Variants in HECA observed in about 807,000 individuals in gnomAD.
The protein encoded by HECA is headcase protein homolog.
In HECA, 13 loss-of-function variants were observed where a neutral mutation model predicts 37.6. The ratio of observed to expected loss-of-function variants is 0.35; its 90% CI spans 0.23 to 0.55. The LOEUF is 0.55. Among genes scored for constraint, HECA ranks in the 20% least tolerant of loss-of-function variants. The probability of loss-of-function intolerance (pLI) is 0.90; values close to 1 mark genes in which losing one functional copy is unlikely to be tolerated. For synonymous variants in HECA, 307 were observed against 291.5 expected, an observed-to-expected ratio of 1.05 and a Z score of -0.54; for missense variants, 527 against 701.9, an observed-to-expected ratio of 0.75 and a Z score of 2.82.
At chr6:139,148,850 T>C (rs1366830810) in intron 1 of HECA, among the ~76,000 whole-genome samples, 2 of 152,096 alleles carry the variant, frequency 1.3e-5, no homozygotes, top group East Asian at 1.9e-4. Context: ...GTCGAGTCAA[T>C]AGCTGAGCTC....
intron 1 of HECA, among the ~76,000 whole-genome samples, chr6:139,149,446 T>A (rs3777679): frequency 0.67 from 101,739 of 152,036 alleles, 35,027 homozygotes; most frequent in African/African-American, 0.79. Context: ...TGATTTGGGG[T>A]TTTTAGTTTT....
intron 2 of HECA, among the ~76,000 whole-genome samples, 161 bp from the exon 3 acceptor site, chr6:139,174,224 T>C (rs1458055526): frequency 6.6e-6 from 1 of 152,252 alleles, no homozygotes; most frequent in African/African-American, 2.4e-5. Flanking sequence ...ATCATTATCC[T>C]GAAAGGACAG....
At chr6:139,150,769 G>C (rs1033596680) in intron 1 of HECA, among the ~76,000 whole-genome samples, 3 of 152,060 alleles carry the variant, frequency 2.0e-5, no homozygotes, top group Non-Finnish European at 4.4e-5. Flanking sequence ...AATTATATCT[G>C]TGTTCCACAA....
intron 2 of HECA, chr6:139,170,510 C>T (rs1167563553): frequency 6.6e-6 from 1 of 152,136 alleles, no homozygotes; most frequent in Admixed American, 6.6e-5. Context: ...TGGACTGGAT[C>T]TTGGTAAGCA....
chr6:139,142,021 G>A (rs1326411329), intron 1 of HECA, among the ~76,000 whole-genome samples: 1 of 150,572 alleles, frequency 6.6e-6, no homozygotes, highest in Non-Finnish European at 1.5e-5. Context: ...CCACCTCCTG[G>A]GTTCACGCCA....
intron 1 of HECA, chr6:139,144,226 C>T (rs193019591): frequency 6.6e-6 from 1 of 152,180 alleles, no homozygotes; most frequent in Admixed American, 6.5e-5. Flanking sequence ...TTATTATGCA[C>T]CTACTATCTC....
chr6:139,141,919 ATTTTTTTTTT>A (rs11345845), intron 1 of HECA, among the ~76,000 whole-genome samples: 17 of 48,784 alleles, frequency 3.5e-4, no homozygotes, highest in African/African-American at 1.4e-3. Flanking sequence ...TGCCCAGCTA[ATTTTTTTTTT>A]TTTTTTTTTT....
intron 2 of HECA, among the ~76,000 whole-genome samples, chr6:139,168,007 A>G (rs761888067): frequency 4.6e-5 from 7 of 152,240 alleles, no homozygotes; most frequent in Admixed American, 3.9e-4. Context: ...CACATCACAT[A>G]TAACATGTTT....
At position 139,149,062 on chromosome 6, in the gene HECA, T is replaced by G. The variant is rs566156745; in HGVS notation, c.271+13395T>G. ...TATGATAACAGACTTAAATGCTGAA[T>G]CATAAGAAAGTTCTCATTTTTCTCC... On this transcript the variant is annotated intron_variant, in intron 1 of 3. Coordinates refer to ENST00000367658, the MANE Select transcript of HECA (RefSeq NM_016217.3). Among the ~76,000 whole-genome samples the G allele has an allele frequency of 5.9e-5, 9 of 152,154 alleles. No homozygotes were observed. In the East Asian group the frequency reaches 1.7e-3, roughly 29 times the overall value.
At chr6:139,147,240 T>C (rs545247722) in intron 1 of HECA, among the ~76,000 whole-genome samples, 3 of 152,066 alleles carry the variant, frequency 2.0e-5, no homozygotes, top group East Asian at 3.9e-4. Flanking sequence ...AATGAAAAAC[T>C]GTATGCAGAT....
chr6:139,155,701 A>C (rs1774703048), intron 1 of HECA: 1 of 152,152 alleles, frequency 6.6e-6, no homozygotes, highest in African/African-American at 2.4e-5. Flanking sequence ...TATGTAGTGC[A>C]TTTTCGTGCT....
chr6:139,164,175 CCTTA>C (rs1774849671), intron 1 of HECA, among the ~76,000 whole-genome samples: 1 of 152,120 alleles, frequency 6.6e-6, no homozygotes, highest in African/African-American at 2.4e-5. Context: ...CCTCTGGCCT[CCTTA>C]CTTCCAGTCC....
intron 1 of HECA, among the ~76,000 whole-genome samples, chr6:139,142,816 C>T (rs368551871): frequency 2.6e-5 from 4 of 152,078 alleles, no homozygotes; most frequent in Non-Finnish European, 5.9e-5. Context: ...GGCATGGTGG[C>T]GGGCTCCTGT....
intron 1 of HECA, among the ~76,000 whole-genome samples, chr6:139,147,118 C>A (rs1774593996): frequency 6.6e-6 from 1 of 152,170 alleles, no homozygotes; most frequent in South Asian, 2.1e-4. Context: ...ATGGCCTTCC[C>A]TTCTTGCAGA....
intron 1 of HECA, chr6:139,151,379 A>G (rs1366192362): frequency 6.6e-6 from 1 of 152,248 alleles, no homozygotes; most frequent in African/African-American, 2.4e-5. Context: ...TGATTTAAAT[A>G]CAGTAGTCTT....
chr6:139,174,321 C>A, intron 2 of HECA, 64 bp from the exon 3 acceptor site: 1 of 1,513,200 alleles, frequency 6.6e-7, no homozygotes, highest in East Asian at 2.3e-5. Context: ...ACATTTTTAT[C>A]TCCTTGGAGA....
chr6:139,138,143 G>GT (rs1180067540), intron 1 of HECA, among the ~76,000 whole-genome samples: 4 of 151,946 alleles, frequency 2.6e-5, no homozygotes, highest in East Asian at 1.9e-4. Context: ...TTCTTTCTTT[G>GT]TTTTTTTCTT....
At chr6:139,163,884 T>G (rs1224187361) in intron 1 of HECA, among the ~76,000 whole-genome samples, 1 of 152,100 alleles carries the variant, frequency 6.6e-6, no homozygotes, top group Non-Finnish European at 1.5e-5. Context: ...CACATCTGTA[T>G]TCACAGCTCT....
At chr6:139,170,796 A>G (rs912157214) in intron 2 of HECA, among the ~76,000 whole-genome samples, 3 of 152,146 alleles carry the variant, frequency 2.0e-5, no homozygotes, top group Non-Finnish European at 4.4e-5. Flanking sequence ...TAAAGCAGGC[A>G]GTCACATGGA....
Sources: allele counts gnomAD v4.1 joint callset (sites outside exome capture counted in the v4.1 genomes callset), GRCh38; gene constraint gnomAD v4.1.1; transcripts MANE v1.5; gene names NCBI Gene and HGNC (gene_info 2026-07-23, HGNC 2026-07-21).